Variants in RPLP2 observed in about 807,000 individuals in gnomAD.
RPLP2 encodes the protein large ribosomal subunit protein P2.
In RPLP2, 1 loss-of-function variant was observed where a neutral mutation model predicts 11.5. That is an observed-to-expected ratio of 0.09 (90% CI 0.03 to 0.41). RPLP2 has a LOEUF of 0.41. Among genes scored for constraint, RPLP2 ranks in the 10% least tolerant of loss-of-function variants. The pLI is 0.98. For missense variants in RPLP2, 177 were observed against 145.6 expected (o/e 1.22, Z -1.11); for synonymous variants, 82 against 55.9 (o/e 1.47, Z -2.08).
chr11:811,286 C>A, intron 2 of RPLP2: 1 of 424,428 alleles, frequency 2.4e-6, no homozygotes, highest in South Asian at 2.3e-5. Flanking sequence ...CCACTGCACT[C>A]CAGCCTGAAG....
intron 2 of RPLP2, 194 bp downstream of exon 2, chr11:810,551 T>C (rs574451525): frequency 2.6e-5 from 12 of 465,600 alleles, no homozygotes; most frequent in African/African-American, 1.8e-4. Context: ...CCCAGTACTT[T>C]GGGAGGACGA....
At chr11:811,335 T>C (rs1866049649) in intron 2 of RPLP2, 3 of 539,214 alleles carry the variant, frequency 5.6e-6, no homozygotes, top group Non-Finnish European at 1.0e-5. Context: ...TTGCCAGTGT[T>C]GAAGATACCT....
chr11:812,206 G>T, intron 3 of RPLP2: 1 of 424,076 alleles, frequency 2.4e-6, no homozygotes, highest in Non-Finnish European at 4.4e-6. Context: ...CAGAGATGTG[G>T]ATACTGGGGC....
At chr11:811,162 C>T (rs977285493) in intron 2 of RPLP2, among the ~76,000 whole-genome samples, 4 of 152,014 alleles carry the variant, frequency 2.6e-5, no homozygotes, top group African/African-American at 7.3e-5. Context: ...AACCAGGCCT[C>T]GTCTCTAAAA....
At chr11:810,837 T>A (rs1866016428) in intron 2 of RPLP2, among the ~76,000 whole-genome samples, 1 of 149,100 alleles carries the variant, frequency 6.7e-6, no homozygotes. Context: ...AAATCGTGAT[T>A]AACAAGCTTT....
Position 810,275 on chromosome 11 carries a change from G to C in RPLP2, c.41G>C (p.Gly14Ala). Reference sequence around the variant, plus strand: ...TCCTACCTGCTGGCTGCCCTAGGGGGCAACTCCTCCCCCAGCGCCAAGGAC... The same window carrying C: ...TCCTACCTGCTGGCTGCCCTAGGGGCCAACTCCTCCCCCAGCGCCAAGGAC... ...VASYLLAALG[G>A]NSSPSAKDIK... The change falls in exon 2 of 5, where the codon GGC becomes GCC. Residue 14 changes from glycine to alanine, a missense_variant. Gly to Ala is a moderately conservative substitution (Grantham distance 60, BLOSUM62 0). Coordinates refer to ENST00000321153, the MANE Select transcript of RPLP2 (RefSeq NM_001004.4). The C allele has an allele frequency of 6.2e-7, 1 of 1,607,118 alleles. No homozygotes were observed. Among genetic ancestry groups the C allele is most frequent in the Non-Finnish European group, 8.5e-7 (1 of 1,177,970 alleles).
At chr11:810,097 CG>C in intron 1 of RPLP2, 58 bp downstream of exon 1, 10 of 1,066,442 alleles carry the variant, frequency 9.4e-6, no homozygotes, top group Non-Finnish European at 1.2e-5. Flanking sequence ...CGTGGGGATG[CG>C]GGGTGGGCGG....
At position 811,782 on chromosome 11, in the gene RPLP2, G is replaced by T. The variant is rs1218832031; in HGVS notation, c.172+137G>T. On this transcript the variant is annotated intron_variant, in intron 3 of 4. Transcript: ENST00000321153. The stretch of plus-strand genomic sequence containing the variant: ...CACCCGAGGAGTGAGCAGGGCTCCA[G>T]TGGGCTCACGTCATGGGCACTTCTA... 3 of 1,048,634 alleles carry T rather than the reference G, an allele frequency of 2.9e-6. No individual in the cohort carries two copies. The East Asian group carries it at 7.1e-5, about 25-fold the overall frequency. The allele number at this position is 1,048,634 out of a possible 1,614,324, so 65.0% of individuals were successfully genotyped here.
intron 2 of RPLP2, chr11:811,224 G>A (rs1866044725): frequency 3.2e-6 from 1 of 314,952 alleles, no homozygotes; most frequent in Admixed American, 4.6e-5. Context: ...GTCCCAGACT[G>A]AGGTGGGATA....
At chr11:811,814 C>A (rs1296162432) in intron 3 of RPLP2, 169 bp downstream of exon 3, 1 of 868,286 alleles carries the variant, frequency 1.2e-6, no homozygotes, top group African/African-American at 1.6e-5. Context: ...TCTAGACACT[C>A]TCAGGAGCAG....
Position 809,967 on chromosome 11 carries a change from C to T in RPLP2, c.-74C>T, listed in dbSNP as rs967023517. ...ACCCCGCCTCTTGCGTCGGCGCCTT[C>T]CTTTTCCTCCCTGTCGCCACCGAGG... is the stretch of plus-strand genomic sequence containing the variant. On this transcript the variant is annotated 5_prime_UTR_variant, in exon 1 of 5. Transcript: ENST00000321153. The T allele has an allele frequency of 2.6e-4, 96 of 366,298 alleles. No individual in the cohort carries two copies. The highest frequency in any genetic ancestry group is 1.2e-3 in the African/African-American group (56 of 46,960). The allele number at this position is 366,298 out of a possible 1,614,324, so 22.7% of individuals were successfully genotyped here.
At chr11:811,472 C>A in intron 2 of RPLP2, 125 bp from the exon 3 acceptor site, 1 of 1,097,312 alleles carries the variant, frequency 9.1e-7, no homozygotes. Flanking sequence ...TTGGGCAGTG[C>A]AGTTCTGGAA....
chr11:812,475 C>T, intron 3 of RPLP2, 60 bp from the exon 4 acceptor site: 12 of 1,595,128 alleles, frequency 7.5e-6, no homozygotes, highest in Non-Finnish European at 1.0e-5. Flanking sequence ...TCTAACTTCC[C>T]TGTGGAACAG....
chr11:811,669 C>T lies in RPLP2; in HGVS notation c.172+24C>T, dbSNP rs766570583. ...GGGTGAGTTGATGTGGACGGGCTTT[C>T]GTTTGTTTTCATGGTCCATCCTAAT... On this transcript the variant is annotated intron_variant, in intron 3 of 4. Coordinates refer to ENST00000321153, the MANE Select transcript of RPLP2 (RefSeq NM_001004.4). 2.8e-5 allele frequency: 46 copies of T among 1,614,060 alleles called. No homozygotes were observed. The South Asian group carries it at 3.4e-4, about 12-fold the overall frequency.
chr11:810,182 G>C, intron 1 of RPLP2, 52 bp from the exon 2 acceptor site: 1 of 1,443,304 alleles, frequency 6.9e-7, no homozygotes. Context: ...GGATGGGCCG[G>C]CAGGAGGCCG....
chr11:810,751 A>T (rs1365320868), intron 2 of RPLP2, among the ~76,000 whole-genome samples: 1 of 147,198 alleles, frequency 6.8e-6, no homozygotes, highest in African/African-American at 2.5e-5. Flanking sequence ...GTGCCACTGT[A>T]CTCCAGTCTG....
In RPLP2 at chr11:811,590, G is replaced by A. The variant is rs1307162646; in HGVS notation, c.124-7G>A. 8 of 1,614,100 alleles carry A rather than the reference G, an allele frequency of 5.0e-6. No homozygotes were observed. The highest frequency in any genetic ancestry group is 4.2e-6 in the Non-Finnish European group (5 of 1,180,034). On this transcript the variant is annotated splice_region_variant and splice_polypyrimidine_tract_variant and intron_variant, in intron 2 of 4. Coordinates refer to ENST00000321153, the MANE Select transcript of RPLP2 (RefSeq NM_001004.4). ...CCTGGTAACAGCCCTGTGATTGTCT[G>A]CTTCAGGTTATCAGTGAGCTGAATG...
intron 3 of RPLP2, chr11:812,188 G>A (rs4131364): frequency 0.43 from 171,988 of 402,276 alleles, 40,852 homozygotes; most frequent in Admixed American, 0.57. Context: ...TGAACACAGC[G>A]TTGTGGCCAG....
intron 2 of RPLP2, 63 bp downstream of exon 2, chr11:810,420 CT>C (rs1865994268): frequency 2.0e-6 from 3 of 1,492,518 alleles, no homozygotes; most frequent in Non-Finnish European, 1.8e-6. Context: ...GGCGATTCTT[CT>C]GCCTGATCCG....
Sources: gnomAD v4.1 joint callset for allele counts (sites outside exome capture counted in the v4.1 genomes callset) on GRCh38, gnomAD v4.1.1 for gene constraint, MANE v1.5 for transcripts, NCBI Gene and HGNC (gene_info 2026-07-23, HGNC 2026-07-21) for gene names.